The following WWOX variants were observed in gnomAD, a reference collection of about 807,000 sequenced individuals.
The protein encoded by WWOX is WW domain containing oxidoreductase.
A neutral mutation model predicts 46.2 loss-of-function variants in WWOX; 69 were observed. The ratio of observed to expected loss-of-function variants is 1.49; its 90% confidence interval spans 1.23 to 1.82. WWOX has a LOEUF of 1.82. Among genes scored for constraint, WWOX ranks in the 40% most tolerant of loss-of-function variants. The pLI, the probability that WWOX is intolerant of heterozygous loss-of-function variation, is 0.00. For synonymous variants in WWOX, 359 were observed against 202.6 expected (o/e 1.77, Z -6.56); for missense variants, 919 against 542.6 (o/e 1.69, Z -6.89).
At chr16:78,945,427 A>T (rs963406065) in intron 8 of WWOX, among the ~76,000 whole-genome samples, 1 of 152,192 alleles carries the variant, frequency 6.6e-6, no homozygotes, top group African/African-American at 2.4e-5. Context: ...TCTGTATCAA[A>T]AAGATCAAAA....
chr16:79,157,062 T>C (rs1005201382), intron 8 of WWOX, among the ~76,000 whole-genome samples: 1 of 152,212 alleles, frequency 6.6e-6, no homozygotes, highest in Non-Finnish European at 1.5e-5. Flanking sequence ...GACATTTTGT[T>C]TGTACTTATA....
chr16:79,207,907 A>G (rs919874907), intron 8 of WWOX, among the ~76,000 whole-genome samples: 1 of 152,208 alleles, frequency 6.6e-6, no homozygotes, highest in Non-Finnish European at 1.5e-5. Context: ...GCAGTTATCA[A>G]ATGAATGTTG....
chr16:78,413,670 T>C (rs556156435), intron 6 of WWOX, among the ~76,000 whole-genome samples: 2 of 151,882 alleles, frequency 1.3e-5, no homozygotes, highest in African/African-American at 4.8e-5. Flanking sequence ...TCACTGGGGA[T>C]ATGATGGCTT....
intron 1 of WWOX, chr16:78,100,090 T>C: frequency 6.5e-6 from 9 of 1,380,110 alleles, no homozygotes; most frequent in Non-Finnish European, 8.4e-6. Flanking sequence ...GGGGGTCACC[T>C]GGTGGCTTCC....
At chr16:78,784,204 T>C (rs1316209910) in intron 8 of WWOX, among the ~76,000 whole-genome samples, 1 of 152,166 alleles carries the variant, frequency 6.6e-6, no homozygotes, top group African/African-American at 2.4e-5. Context: ...CACTCAACCC[T>C]TGTCATAGGT....
At chr16:79,011,459 T>TTTTA (rs56691445) in intron 8 of WWOX, among the ~76,000 whole-genome samples, 35,943 of 131,790 alleles carry the variant, frequency 0.27, 5,391 homozygotes, top group African/African-American at 0.37. Flanking sequence ...TTATTTTTTA[T>TTTTA]TTTATTTATT....
intron 5 of WWOX, among the ~76,000 whole-genome samples, chr16:78,307,442 G>C (rs1250802725): frequency 1.3e-5 from 2 of 152,122 alleles, no homozygotes; most frequent in African/African-American, 4.8e-5. Context: ...GGGAGGCAGA[G>C]GGGACTGTGA....
chr16:78,975,877 C>G (rs991772457), intron 8 of WWOX, among the ~76,000 whole-genome samples: 3 of 152,172 alleles, frequency 2.0e-5, no homozygotes, highest in Admixed American at 6.5e-5. Flanking sequence ...AGGACCAAAC[C>G]TCTTCCAGCT....
At chr16:79,116,502 A>G (rs2049518536) in intron 8 of WWOX, among the ~76,000 whole-genome samples, 1 of 152,200 alleles carries the variant, frequency 6.6e-6, no homozygotes, top group South Asian at 2.1e-4. Context: ...AGCAAGTTCC[A>G]TTGCAAGAAA....
At chr16:79,047,761 C>G (rs1008710998) in intron 8 of WWOX, among the ~76,000 whole-genome samples, 1 of 131,332 alleles carries the variant, frequency 7.6e-6, no homozygotes, top group Non-Finnish European at 1.5e-5. Context: ...CAGCTGTATT[C>G]CAGGTACTTG....
chr16:78,727,354 C>T (rs145481308), intron 8 of WWOX, among the ~76,000 whole-genome samples: 157 of 152,272 alleles, frequency 1.0e-3, no homozygotes, highest in African/African-American at 3.3e-3. Context: ...AGCTGAGATC[C>T]AGCCTGGGTG....
At chr16:78,664,742 T>C (rs1049702514) in intron 8 of WWOX, among the ~76,000 whole-genome samples, 2 of 152,208 alleles carry the variant, frequency 1.3e-5, no homozygotes, top group African/African-American at 4.8e-5. Context: ...ATTAGGCTCC[T>C]TGAGGCTCAA....
At chr16:78,689,565 C>T (rs1303814053) in intron 8 of WWOX, among the ~76,000 whole-genome samples, 1 of 152,048 alleles carries the variant, frequency 6.6e-6, no homozygotes, top group African/African-American at 2.4e-5. Flanking sequence ...TAGAGAGAAT[C>T]CCTTCACCCT....
intron 5 of WWOX, among the ~76,000 whole-genome samples, chr16:78,203,545 A>G (rs570711842): frequency 2.0e-5 from 3 of 152,330 alleles, no homozygotes; most frequent in East Asian, 1.9e-4. Context: ...AACATATTCA[A>G]TAATATAATT....
At chr16:78,444,107 C>T (rs1326502608) in intron 8 of WWOX, among the ~76,000 whole-genome samples, 1 of 152,202 alleles carries the variant, frequency 6.6e-6, no homozygotes, top group Admixed American at 6.5e-5. Context: ...GGAAACGGAA[C>T]TCCTCTCCCT....
At chr16:78,858,625 G>A (rs2052626422) in intron 8 of WWOX, among the ~76,000 whole-genome samples, 1 of 151,800 alleles carries the variant, frequency 6.6e-6, no homozygotes, top group African/African-American at 2.4e-5. Context: ...CTTTGAGGAG[G>A]GAATTTTCTT....
intron 8 of WWOX, among the ~76,000 whole-genome samples, chr16:79,048,582 G>T (rs1004139847): frequency 3.1e-4 from 47 of 152,064 alleles, no homozygotes; most frequent in African/African-American, 9.6e-4. Flanking sequence ...ATCCTAACCT[G>T]CCATTAACAT....
At chr16:78,367,725 G>A (rs545597395) in intron 5 of WWOX, among the ~76,000 whole-genome samples, 130 of 152,048 alleles carry the variant, frequency 8.5e-4, no homozygotes, top group African/African-American at 3.0e-3. Context: ...AATGGACGGA[G>A]AACTACCATC....
intron 8 of WWOX, among the ~76,000 whole-genome samples, chr16:79,089,489 G>T (rs1008409749): frequency 6.6e-6 from 1 of 151,884 alleles, no homozygotes; most frequent in East Asian, 1.9e-4. Context: ...ACGCCACCAC[G>T]CCTGGCTAAT....
Sources: allele counts gnomAD v4.1 joint callset (sites outside exome capture counted in the v4.1 genomes callset), GRCh38; gene constraint gnomAD v4.1.1; transcripts MANE v1.5; gene names NCBI Gene and HGNC (gene_info 2026-07-23, HGNC 2026-07-21).